PCDHGC4: variants seen among roughly 807,000 people sequenced by gnomAD.
PCDHGC4 encodes protocadherin gamma subfamily C, 4.
In PCDHGC4, 15 loss-of-function variants were observed where a neutral mutation model predicts 59.7. The ratio of observed to expected loss-of-function variants is 0.25; its 90% CI spans 0.17 to 0.39. The LOEUF is 0.39. Among genes scored for constraint, PCDHGC4 ranks in the 10% least tolerant of loss-of-function variants. The pLI, the probability that PCDHGC4 is intolerant of heterozygous loss-of-function variation, is 1.00. For synonymous variants in PCDHGC4, 434 were observed against 481.4 expected (o/e 0.90, Z 1.29); for missense variants, 1,016 against 1,189.5 (o/e 0.85, Z 2.15).
Position 141,487,165 on chromosome 5 carries a change from C to T in PCDHGC4, c.1992C>T (p.Ser664=), listed in dbSNP as rs1014219030. The T allele has an allele frequency of 1.9e-6, 3 of 1,612,932 alleles. No homozygotes were observed. The highest frequency in any genetic ancestry group is 2.5e-6 in the Non-Finnish European group (3 of 1,178,918). The change falls in exon 1 of 4, where the codon TCC becomes TCT. Residue 664 remains serine, a synonymous_variant. Coordinates refer to ENST00000306593, the MANE Select transcript of PCDHGC4 (RefSeq NM_018928.3). The surrounding 1 kb of genome is among the most constrained non-coding windows in gnomAD (Gnocchi z 5.0). ...CTACCTCTGTTACTCTCTTAGTGTC[C>T]TTAGAGGAAGACACTCATCCAGTTG... The part of the protein sequence containing the change: ...PLSTSVTLLV[S]LEEDTHPVVP...
At position 141,494,885 on chromosome 5, in the gene PCDHGC4, G is replaced by T; in HGVS notation, c.2501+20G>T. The T allele has an allele frequency of 6.8e-6, 11 of 1,614,082 alleles. No homozygotes were observed. The highest frequency in any genetic ancestry group is 8.5e-6 in the Non-Finnish European group (10 of 1,179,992). Reference sequence around the variant, plus strand: ...CAGCGGGTAGGTGACTGATTCTCCAGCCCACCCTCTTCTCTGCGGCATTTT... The same window carrying T: ...CAGCGGGTAGGTGACTGATTCTCCATCCCACCCTCTTCTCTGCGGCATTTT... On this transcript the variant is annotated intron_variant, in intron 2 of 3. Transcript: ENST00000306593.
At chr5:141,509,486 A>G (rs1022659275) in intron 3 of PCDHGC4, among the ~76,000 whole-genome samples, 10 of 152,132 alleles carry the variant, frequency 6.6e-5, no homozygotes, top group African/African-American at 2.4e-4. Flanking sequence ...GGTAGAGGTG[A>G]TGGCATGCTG....
chr5:141,508,867 G>A (rs2099872497), intron 3 of PCDHGC4, among the ~76,000 whole-genome samples: 1 of 152,108 alleles, frequency 6.6e-6, no homozygotes. Flanking sequence ...GGGAAAGGCT[G>A]AAGAGGCTGA....
chr5:141,506,444 CAAAAA>C (rs1219684339), intron 3 of PCDHGC4, among the ~76,000 whole-genome samples: 4 of 95,024 alleles, frequency 4.2e-5, no homozygotes, highest in Admixed American at 1.1e-4. Flanking sequence ...CGCTCTGTCT[CAAAAA>C]AAAAAAAAAA....
Position 141,489,842 on chromosome 5 carries a change from A to T in PCDHGC4, c.2442+2227A>T. ...GAGCTGGTGCTAGAGCAGCAGCTGGATCGTGAAGCCCAGGCAAGACATCAG... is the reference window on the plus strand; with the variant it reads ...GAGCTGGTGCTAGAGCAGCAGCTGGTTCGTGAAGCCCAGGCAAGACATCAG... On this transcript the variant is annotated intron_variant, in intron 1 of 3. Coordinates refer to ENST00000306593, the MANE Select transcript of PCDHGC4 (RefSeq NM_018928.3). The surrounding 1 kb of genome is among the most constrained non-coding windows in gnomAD (Gnocchi z 4.5). 6.2e-7 allele frequency: 1 copy of T among 1,614,186 alleles called. No homozygotes were observed. Among genetic ancestry groups the T allele is most frequent in the South Asian group, 1.1e-5 (1 of 91,086 alleles).
rs1485764871 is a variant in PCDHGC4, at chr5:141,486,709, C to A, written c.1536C>A (p.Pro512=). The change falls in exon 1 of 4, where the codon CCC becomes CCA. Residue 512 remains proline (P), a synonymous_variant. Coordinates refer to ENST00000306593, the MANE Select transcript of PCDHGC4 (RefSeq NM_018928.3). The surrounding 1 kb of genome is among the most constrained non-coding windows in gnomAD (Gnocchi z 5.0). ...VSASSFISLN[P]QTGAVHATRS... is the part of the protein sequence containing the mutation. ...CTTCCTCTTTCATCTCTCTGAACCC[C>A]CAGACAGGAGCTGTTCATGCTACTC... 6.2e-7 allele frequency: 1 copy of A among 1,614,182 alleles called. No homozygotes were observed. Among genetic ancestry groups the A allele is most frequent in the Admixed American group, 1.7e-5 (1 of 60,022 alleles).
chr5:141,497,540 C>CA (rs1491509812), intron 2 of PCDHGC4, among the ~76,000 whole-genome samples: 7 of 134,922 alleles, frequency 5.2e-5, no homozygotes, highest in Admixed American at 1.5e-4. Flanking sequence ...TGCAACAAAC[C>CA]TTTTTTTTTT....
At position 141,485,402 on chromosome 5, in the gene PCDHGC4, G is replaced by T. The variant is rs375700791; in HGVS notation, c.229G>T (p.Val77Leu). ...AGEVNQRHFR[V>L]DLDSGALLIK... ...AGAGGTGAACCAAAGACACTTCCGTGTGGATTTGGACAGCGGAGCCCTGCT... is the reference window on the plus strand; with the variant it reads ...AGAGGTGAACCAAAGACACTTCCGTTTGGATTTGGACAGCGGAGCCCTGCT... Residue 77 changes from valine (V) to leucine (L), a missense_variant, in exon 1 of 4, where the codon GTG (valine) becomes TTG (leucine). Coordinates refer to ENST00000306593, the MANE Select transcript of PCDHGC4 (RefSeq NM_018928.3). This position sits in a 1 kb window ranked among gnomAD's most constrained non-coding sequence, Gnocchi z 5.7. The T allele has an allele frequency of 6.2e-7, 1 of 1,614,194 alleles. No homozygotes were observed. Among genetic ancestry groups the T allele is most frequent in the East Asian group, 2.2e-5 (1 of 44,878 alleles).
rs1594951324 is a variant in PCDHGC4, at chr5:141,490,871, T to G, written c.2442+3256T>G. 6.2e-7 allele frequency: 1 copy of G among 1,613,918 alleles called. No individual in the cohort carries two copies. The highest frequency in any genetic ancestry group is 8.5e-7 in the Non-Finnish European group (1 of 1,179,944). On this transcript the variant is annotated intron_variant, in intron 1 of 3. Coordinates refer to ENST00000306593, the MANE Select transcript of PCDHGC4 (RefSeq NM_018928.3). This position sits in a 1 kb window ranked among gnomAD's most constrained non-coding sequence, Gnocchi z 5.4. ...GTTCGAGACTCCGGCTCTCCCCCAT[T>G]GCATGCCAACACATCTCTGCATGTG...
At position 141,485,293 on chromosome 5, in the gene PCDHGC4, G is replaced by A. The variant is rs1356836741; in HGVS notation, c.120G>A (p.Gln40=). The change falls in exon 1 of 4, where the codon CAG becomes CAA. Residue 40 remains glutamine (Q), a synonymous_variant. Transcript: ENST00000306593. The surrounding 1 kb of genome is among the most constrained non-coding windows in gnomAD (Gnocchi z 5.7). ...GCTACCCGGTCCCAGAGGAGTCACA[G>A]GAAGGGACTTTTGTAGGGAATGTCG... ...QIRYPVPEES[Q]EGTFVGNVAQ... is the part of the protein sequence containing the mutation. 1 of 1,614,170 alleles carries A rather than the reference G, an allele frequency of 6.2e-7. No individual in the cohort carries two copies.
Position 141,486,397 on chromosome 5 carries a change from G to A in PCDHGC4, c.1224G>A (p.Val408=), listed in dbSNP as rs778989869. The A allele has an allele frequency of 5.0e-6, 8 of 1,614,046 alleles. No individual in the cohort carries two copies. The South Asian group carries it at 7.7e-5, about 16-fold the overall frequency. ...CCTTCAGGAACCAGTTCTCCCTGGT[G>A]ACTGCTGGACCCTTGGATCGAGAGG... ...KSAFRNQFSL[V]TAGPLDREAK... The change falls in exon 1 of 4, where the codon GTG becomes GTA. Residue 408 remains valine, a synonymous_variant. Transcript: ENST00000306593. The surrounding 1 kb of genome is among the most constrained non-coding windows in gnomAD (Gnocchi z 5.0).
At chr5:141,494,680 C>A in intron 1 of PCDHGC4, 127 bp from the exon 2 acceptor site, 1 of 1,560,094 alleles carries the variant, frequency 6.4e-7, no homozygotes, top group Non-Finnish European at 8.7e-7. Flanking sequence ...CCACCCCTGC[C>A]CCCTCTTAGT....
At chr5:141,495,095 G>C (rs67264863) in intron 2 of PCDHGC4, among the ~76,000 whole-genome samples, 9,751 of 152,126 alleles carry the variant, frequency 0.064, 363 homozygotes, top group South Asian at 0.11. Context: ...TTCCCTCCTC[G>C]CCACGACCGG....
At position 141,493,332 on chromosome 5, in the gene PCDHGC4, C is replaced by T. The variant is rs2099747680; in HGVS notation, c.2443-1475C>T. 6.6e-6 allele frequency among the ~76,000 whole-genome samples: 1 copy of T among 152,210 alleles called. No homozygotes were observed. The highest frequency in any genetic ancestry group is 1.5e-5 in the Non-Finnish European group (1 of 68,036). Reference sequence around the variant, plus strand: ...AAGAGAGATTCTAACCCCTGTCTAACTCCAGAATGTGTGCTTTTAATTTCT... The same window carrying T: ...AAGAGAGATTCTAACCCCTGTCTAATTCCAGAATGTGTGCTTTTAATTTCT... On this transcript the variant is annotated intron_variant, in intron 1 of 3. Transcript: ENST00000306593. This position sits in a 1 kb window ranked among gnomAD's most constrained non-coding sequence, Gnocchi z 4.3.
rs575250872 is a variant in PCDHGC4, at chr5:141,490,163, T to C, written c.2442+2548T>C. ...GGGGCAATCCATGTGTTGGGTCCCA[T>C]AGACTTTGAGGAGTCACGTTTCTAT... On this transcript the variant is annotated intron_variant, in intron 1 of 3. Transcript: ENST00000306593. This position sits in a 1 kb window ranked among gnomAD's most constrained non-coding sequence, Gnocchi z 5.4. 2 of 1,614,234 alleles carry C rather than the reference T, an allele frequency of 1.2e-6. No homozygotes were observed. The highest frequency in any genetic ancestry group is 2.2e-5 in the East Asian group (1 of 44,886).
At position 141,485,437 on chromosome 5, in the gene PCDHGC4, C is replaced by A. The variant is rs2099613420; in HGVS notation, c.264C>A (p.Asn88Lys). The A allele has an allele frequency of 6.2e-7, 1 of 1,614,174 alleles. No individual in the cohort carries two copies. Among genetic ancestry groups the A allele is most frequent in the Non-Finnish European group, 8.5e-7 (1 of 1,180,028 alleles). The change falls in exon 1 of 4, where the codon AAC becomes AAA. Residue 88 changes from asparagine (N) to lysine (K), a missense_variant. By Grantham distance (94) the Asn-to-Lys change is moderately conservative. Transcript: ENST00000306593. The surrounding 1 kb of genome is among the most constrained non-coding windows in gnomAD (Gnocchi z 5.7). ...DLDSGALLIK[N>K]PIDREALCGL... ...ACAGCGGAGCCCTGCTCATCAAGAA[C>A]CCAATCGACCGAGAGGCACTGTGTG...
chr5:141,507,478 C>A (rs933478897), intron 3 of PCDHGC4, among the ~76,000 whole-genome samples: 3 of 152,158 alleles, frequency 2.0e-5, no homozygotes, highest in Non-Finnish European at 4.4e-5. Context: ...GGACTGCTGG[C>A]CTCCTGAGGC....
intron 2 of PCDHGC4, among the ~76,000 whole-genome samples, chr5:141,501,110 G>A (rs1373404247): frequency 2.6e-5 from 4 of 151,908 alleles, no homozygotes; most frequent in Admixed American, 6.6e-5. Flanking sequence ...CTCGTGATCC[G>A]CCTGCCTCAG....
rs2099664737 is a variant in PCDHGC4, at chr5:141,487,754, G to GTAGAC, written c.2442+140_2442+144dup. 1 of 1,552,036 alleles carries GTAGAC rather than the reference G, an allele frequency of 6.4e-7. No homozygotes were observed. The highest frequency in any genetic ancestry group is 1.4e-5 in the African/African-American group (1 of 73,242). ...CATTTTTGTAAGAGGTAACTATGTG[G>GTAGAC]TAGACGCTGTGCTTTGTAACTGTTT... On this transcript the variant is annotated intron_variant, in intron 1 of 3. Transcript: ENST00000306593. This position sits in a 1 kb window ranked among gnomAD's most constrained non-coding sequence, Gnocchi z 5.0.
Sources: gnomAD v4.1 joint callset for allele counts (sites outside exome capture counted in the v4.1 genomes callset) on GRCh38, gnomAD v4.1.1 for gene constraint, Gnocchi (gnomAD v3.1) non-coding constraint, MANE v1.5 for transcripts, NCBI Gene and HGNC (gene_info 2026-07-23, HGNC 2026-07-21) for gene names.